Variants in NRDC observed in about 807,000 individuals in gnomAD.
The protein encoded by NRDC is nardilysin.
Under a neutral mutation model 147.1 loss-of-function variants are expected in NRDC, and 54 were observed. The observed-to-expected ratio is 0.37, with a 90% confidence interval of 0.29 to 0.46. The LOEUF is 0.46. NRDC is among the 20% of genes least tolerant of loss of function. The pLI is 1.00. For synonymous variants in NRDC, 440 were observed against 482.1 expected, an observed-to-expected ratio of 0.91 and a Z score of 1.14; for missense variants, 1,082 against 1,370.6, an observed-to-expected ratio of 0.79 and a Z score of 3.33.
chr1:51,827,019 T>G (rs1680475761), intron 5 of NRDC, among the ~76,000 whole-genome samples: 1 of 152,190 alleles, frequency 6.6e-6, no homozygotes, highest in Non-Finnish European at 1.5e-5. Flanking sequence ...TTAACTGGGT[T>G]TAAGGTAAAA....
intron 1 of NRDC, among the ~76,000 whole-genome samples, chr1:51,850,192 T>TA (rs1681880323): frequency 1.3e-5 from 2 of 151,352 alleles, no homozygotes; most frequent in African/African-American, 4.9e-5. Flanking sequence ...AAAATAATAA[T>TA]AAATAAATAA....
chr1:51,791,018 T>A (rs1571832869), intron 27 of NRDC, 28 bp from the exon 28 acceptor site: 1 of 1,512,932 alleles, frequency 6.6e-7, no homozygotes. Context: ...CAATCAGAAC[T>A]AAAACAAAAC....
At chr1:51,792,521 C>T (rs1678704126) in intron 24 of NRDC, 97 bp from the exon 25 acceptor site, 7 of 1,013,374 alleles carry the variant, frequency 6.9e-6, no homozygotes, top group African/African-American at 1.6e-5. Context: ...GGTATCACCA[C>T]CAATCGCTCT....
At chr1:51,863,005 G>A (rs150580188) in intron 1 of NRDC, among the ~76,000 whole-genome samples, 3 of 102,602 alleles carry the variant, frequency 2.9e-5, no homozygotes, top group East Asian at 3.0e-4. Flanking sequence ...GTGAGACTCT[G>A]TGTGGAGGAA....
intron 1 of NRDC, among the ~76,000 whole-genome samples, chr1:51,866,139 T>C (rs1387391672): frequency 1.3e-5 from 2 of 152,154 alleles, no homozygotes; most frequent in Admixed American, 6.6e-5. Context: ...GGAGGGCCCC[T>C]TGAGCCCAGG....
intron 3 of NRDC, among the ~76,000 whole-genome samples, chr1:51,835,223 G>A (rs1035795562): frequency 9.2e-5 from 14 of 151,588 alleles, no homozygotes; most frequent in East Asian, 7.8e-4. Flanking sequence ...CACCATGCCC[G>A]GCTAATTTTT....
chr1:51,877,588 T>C lies in NRDC; in HGVS notation c.341+687A>G, dbSNP rs534984907. 1.1e-3 allele frequency among the ~76,000 whole-genome samples: 168 copies of C among 152,266 alleles called. 1 individual carries two copies. Among genetic ancestry groups the C allele is most frequent in the African/African-American group, 3.7e-3 (155 of 41,540 alleles). On this transcript the variant is annotated intron_variant, in intron 1 of 30. Transcript: ENST00000352171. ...CTACCTCTGAAGGAAAATACTCAGG[T>C]GGGGACTGAATCACCAATTATTAGA...
chr1:51,839,355 G>A (rs1353743560), intron 2 of NRDC, among the ~76,000 whole-genome samples: 1 of 151,396 alleles, frequency 6.6e-6, no homozygotes, highest in African/African-American at 2.4e-5. Flanking sequence ...AGAGAGACAG[G>A]GTTTCACCAC....
At chr1:51,878,121 C>G in intron 1 of NRDC, 154 bp downstream of exon 1, 1 of 1,424,174 alleles carries the variant, frequency 7.0e-7, no homozygotes, top group Non-Finnish European at 9.2e-7. Context: ...AGGGAAGCCT[C>G]TAATCACGCT....
rs1415944883 is a variant in NRDC, at chr1:51,834,072, G to A, written c.811C>T (p.Arg271Cys). 15 of 1,613,914 alleles carry A rather than the reference G, an allele frequency of 9.3e-6. No homozygotes were observed. Among genetic ancestry groups the A allele is most frequent in the East Asian group, 4.5e-5 (2 of 44,886 alleles). ...GSDNASTDCE[R>C]TVFQFDVQRK... ...TGGACATCAAACTGAAAGACAGTGC[G>A]TTCACAATCAGTTGAGGCATTATCA... The change falls in exon 4 of 31, where the codon CGC (arginine) becomes TGC (cysteine). Residue 271 changes from arginine to cysteine, a missense_variant. Transcript: ENST00000352171.
chr1:51,812,106 G>C lies in NRDC; in HGVS notation c.1675-8C>G. ...ATACTCAACTGGATCTGTCTGTAAA[G>C]AGGTAAATTATTTCACACCAGAACT... is the stretch of plus-strand genomic sequence containing the variant. On this transcript the variant is annotated splice_polypyrimidine_tract_variant and splice_region_variant and intron_variant, in intron 14 of 30. Coordinates refer to ENST00000352171, the MANE Select transcript of NRDC (RefSeq NM_001101662.2). 1 of 1,593,308 alleles carries C rather than the reference G, an allele frequency of 6.3e-7. No individual in the cohort carries two copies. Among genetic ancestry groups the C allele is most frequent in the Non-Finnish European group, 8.6e-7 (1 of 1,161,312 alleles).
At chr1:51,837,335 G>C in intron 2 of NRDC, 1 of 617,778 alleles carries the variant, frequency 1.6e-6, no homozygotes, top group Non-Finnish European at 2.5e-6. Flanking sequence ...CAGAAAATGA[G>C]TGTGTTTTCA....
intron 1 of NRDC, among the ~76,000 whole-genome samples, chr1:51,869,917 A>T (rs1006002953): frequency 6.6e-6 from 1 of 152,184 alleles, no homozygotes. Context: ...ACACTTAAAA[A>T]AATTTTTTTA....
chr1:51,876,956 A>G (rs1473116289), intron 1 of NRDC, among the ~76,000 whole-genome samples: 3 of 152,152 alleles, frequency 2.0e-5, no homozygotes, highest in Admixed American at 6.5e-5. Context: ...TTGGGAGAAG[A>G]GGCGGGCGGA....
rs1209023179 is a variant in NRDC, at chr1:51,814,107, A to G, written c.1620-18T>C. The stretch of plus-strand genomic sequence containing the variant: ...CAAAAATTCTGTGAAGGAGAAAACT[A>G]TAATTAGAAGATACATTAAAATTTC... On this transcript the variant is annotated intron_variant, in intron 13 of 30. Transcript: ENST00000352171. 4 of 1,512,812 alleles carry G rather than the reference A, an allele frequency of 2.6e-6. No individual in the cohort carries two copies. The highest frequency in any genetic ancestry group is 2.8e-6 in the Non-Finnish European group (3 of 1,088,702). 93.7% of individuals were successfully genotyped at this position (1,512,812 alleles called of 1,614,324 possible).
chr1:51,815,620 T>C (rs1679934188), intron 11 of NRDC, among the ~76,000 whole-genome samples: 1 of 152,210 alleles, frequency 6.6e-6, no homozygotes, highest in African/African-American at 2.4e-5. Context: ...CATTAGTTTA[T>C]TATTTTATAG....
At chr1:51,859,407 GT>G in intron 1 of NRDC, among the ~76,000 whole-genome samples, 1 of 152,212 alleles carries the variant, frequency 6.6e-6, no homozygotes, top group African/African-American at 2.4e-5. Context: ...GGAGTCAGAG[GT>G]CTGGATGTAT....
chr1:51,849,737 A>G (rs953421692), intron 1 of NRDC, among the ~76,000 whole-genome samples: 1 of 151,846 alleles, frequency 6.6e-6, no homozygotes, highest in Non-Finnish European at 1.5e-5. Context: ...AATGGTGTGA[A>G]CCAGGGAGGC....
rs747449819 is a variant in NRDC, at chr1:51,878,378, G to A, written c.238C>T (p.Arg80Cys). 4.3e-6 allele frequency: 7 copies of A among 1,614,020 alleles called. No homozygotes were observed. Among genetic ancestry groups the A allele is most frequent in the African/African-American group, 2.7e-5 (2 of 74,922 alleles). ...QDLGENSRVARLGADESEEEG... is the reference protein window; with the variant it reads ...QDLGENSRVACLGADESEEEG... ...TCCTCAGATTCATCCGCTCCTAGACGGGCAACCCGGCTGTTCTCGCCCAGA... is the reference window on the plus strand; with the variant it reads ...TCCTCAGATTCATCCGCTCCTAGACAGGCAACCCGGCTGTTCTCGCCCAGA... Residue 80 changes from arginine to cysteine, a missense_variant, in exon 1 of 31, where the codon CGT becomes TGT. Physicochemically the swap from Arg to Cys is radical, Grantham distance 180 (BLOSUM62 -3). Coordinates refer to ENST00000352171, the MANE Select transcript of NRDC (RefSeq NM_001101662.2).
Sources: gnomAD v4.1 joint callset for allele counts (sites outside exome capture counted in the v4.1 genomes callset) on GRCh38, gnomAD v4.1.1 for gene constraint, MANE v1.5 for transcripts, NCBI Gene and HGNC (gene_info 2026-07-23, HGNC 2026-07-21) for gene names.